Variants in COMMD7 observed in about 807,000 individuals in gnomAD.
COMMD7 encodes COMM domain containing 7.
A neutral mutation model predicts 34.8 loss-of-function variants in COMMD7; 28 were observed. The observed-to-expected ratio is 0.80, with a 90% confidence interval of 0.60 to 1.10. The LOEUF (loss-of-function observed/expected upper bound fraction) is 1.10. COMMD7 is among the 50% of genes least tolerant of loss of function. COMMD7 has a pLI of 0.00. For missense variants in COMMD7, 211 were observed against 241.6 expected (o/e 0.87, Z 0.84); for synonymous variants, 80 against 86.4 (o/e 0.93, Z 0.41).
intron 1 of COMMD7, among the ~76,000 whole-genome samples, chr20:32,739,436 G>A (rs1986308639): frequency 6.6e-6 from 1 of 151,766 alleles, no homozygotes; most frequent in African/African-American, 2.4e-5. Flanking sequence ...ACGAGGTCAG[G>A]AGATAAAGAC....
chr20:32,705,370 A>G (rs1568770932), intron 5 of COMMD7, among the ~76,000 whole-genome samples: 2 of 90,848 alleles, frequency 2.2e-5, no homozygotes, highest in African/African-American at 3.4e-5. Context: ...ATATATATAT[A>G]TATATATTTT....
At chr20:32,716,766 T>TA (rs1376188413) in intron 3 of COMMD7, among the ~76,000 whole-genome samples, 2 of 152,028 alleles carry the variant, frequency 1.3e-5, no homozygotes, top group Non-Finnish European at 2.9e-5. Flanking sequence ...CCCACATCTC[T>TA]AAAACTAAAC....
chr20:32,731,547 C>T (rs562401990), intron 1 of COMMD7, among the ~76,000 whole-genome samples: 1 of 152,186 alleles, frequency 6.6e-6, no homozygotes, highest in Admixed American at 6.6e-5. Context: ...TCCTCCAAAG[C>T]CCTGCCAAGA....
intron 5 of COMMD7, 140 bp from the exon 6 acceptor site, chr20:32,705,044 G>A: frequency 1.5e-6 from 1 of 645,818 alleles, no homozygotes; most frequent in East Asian, 2.8e-5. Context: ...GCAGAACGAA[G>A]GGCTCAGTCT....
At chr20:32,734,997 C>A (rs995533938) in intron 1 of COMMD7, among the ~76,000 whole-genome samples, 1 of 151,622 alleles carries the variant, frequency 6.6e-6, no homozygotes, top group South Asian at 2.1e-4. Flanking sequence ...TAGCACTTTG[C>A]GAGTCTGAGG....
At chr20:32,718,780 CA>C (rs11484216) in intron 3 of COMMD7, among the ~76,000 whole-genome samples, 433 of 128,174 alleles carry the variant, frequency 3.4e-3, no homozygotes, top group Non-Finnish European at 3.1e-3. Flanking sequence ...CTCCCCCTGC[CA>C]AAAAAAAAAA....
intron 1 of COMMD7, among the ~76,000 whole-genome samples, chr20:32,737,095 T>C (rs1346951157): frequency 6.6e-6 from 1 of 151,446 alleles, no homozygotes; most frequent in African/African-American, 2.4e-5. Context: ...GGCAGGAGAA[T>C]GGTGTGAACC....
chr20:32,730,094 G>A (rs901274560), intron 1 of COMMD7, among the ~76,000 whole-genome samples: 1 of 152,108 alleles, frequency 6.6e-6, no homozygotes, highest in Non-Finnish European at 1.5e-5. Flanking sequence ...CAGCTGCCCA[G>A]GTATTTTGTT....
At chr20:32,736,967 G>C (rs1320180147) in intron 1 of COMMD7, among the ~76,000 whole-genome samples, 1 of 151,780 alleles carries the variant, frequency 6.6e-6, no homozygotes, top group Non-Finnish European at 1.5e-5. Flanking sequence ...GATCACCTAA[G>C]GTCAGGAGTT....
At chr20:32,706,512 CAAA>C (rs372047124) in intron 5 of COMMD7, 68 bp downstream of exon 5, 635 of 1,065,556 alleles carry the variant, frequency 6.0e-4, no homozygotes, top group Middle Eastern at 1.2e-3. Context: ...GACTCCATCT[CAAA>C]AAAAAAAAAA....
chr20:32,719,655 A>G (rs1202567744), intron 3 of COMMD7, among the ~76,000 whole-genome samples: 5 of 152,180 alleles, frequency 3.3e-5, no homozygotes, highest in Non-Finnish European at 5.9e-5. Flanking sequence ...CATCTAAAAA[A>G]AAATATAATA....
At chr20:32,704,737 C>G in intron 6 of COMMD7, 77 bp downstream of exon 6, 1 of 1,067,686 alleles carries the variant, frequency 9.4e-7, no homozygotes, top group Non-Finnish European at 1.4e-6. Context: ...ATGCCTTCCC[C>G]ATAGTGGCTG....
chr20:32,718,088 CAA>C (rs10711557), intron 3 of COMMD7, among the ~76,000 whole-genome samples: 269 of 137,896 alleles, frequency 2.0e-3, no homozygotes, highest in Non-Finnish European at 2.1e-3. Context: ...GACTGCCTCT[CAA>C]AAAAAAAAAA....
At chr20:32,709,621 C>A (rs1170436222) in intron 3 of COMMD7, among the ~76,000 whole-genome samples, 1 of 152,102 alleles carries the variant, frequency 6.6e-6, no homozygotes, top group Admixed American at 6.6e-5. Context: ...TGCTCAAAAC[C>A]CTCTACTATC....
intron 5 of COMMD7, 142 bp downstream of exon 5, chr20:32,706,441 A>C (rs1984083445): frequency 1.5e-6 from 1 of 646,544 alleles, no homozygotes; most frequent in Non-Finnish European, 2.7e-6. Context: ...TGAACCCGAG[A>C]GGCAGAGGTT....
At chr20:32,707,696 A>AT (rs1984183662) in intron 3 of COMMD7, among the ~76,000 whole-genome samples, 1 of 151,746 alleles carries the variant, frequency 6.6e-6, no homozygotes, top group Non-Finnish European at 1.5e-5. Flanking sequence ...AGACAACAGA[A>AT]AAGACTTCAC....
intron 3 of COMMD7, among the ~76,000 whole-genome samples, chr20:32,724,951 T>TAAA (rs1175774267): frequency 1.4e-4 from 2 of 13,888 alleles, no homozygotes; most frequent in Admixed American, 4.1e-4. Context: ...AAAATAAATT[T>TAAA]AAAAAAAAAA....
At chr20:32,715,610 C>G (rs1393456912) in intron 3 of COMMD7, among the ~76,000 whole-genome samples, 1 of 150,994 alleles carries the variant, frequency 6.6e-6, no homozygotes, top group Non-Finnish European at 1.5e-5. Flanking sequence ...AGTTCAAGAC[C>G]AGCCTAGGAA....
intron 3 of COMMD7, among the ~76,000 whole-genome samples, chr20:32,719,372 G>A (rs1985009709): frequency 6.6e-6 from 1 of 152,176 alleles, no homozygotes; most frequent in Non-Finnish European, 1.5e-5. Context: ...GGAAGGCCGG[G>A]AGCAGTGGCT....
Sources: allele counts gnomAD v4.1 joint callset (sites outside exome capture counted in the v4.1 genomes callset), GRCh38; gene constraint gnomAD v4.1.1; transcripts MANE v1.5; gene names NCBI Gene and HGNC (gene_info 2026-07-23, HGNC 2026-07-21).